Variants in REL observed in about 807,000 individuals in gnomAD.
REL encodes proto-oncogene c-Rel.
A neutral mutation model predicts 45.9 loss-of-function variants in REL; 15 were observed. That is an observed-to-expected ratio of 0.33 (90% CI 0.22 to 0.50). The LOEUF is 0.50. Ranked by LOEUF, REL falls within the 20% of genes least tolerant of loss-of-function variation. REL has a pLI of 0.98. For missense variants in REL, 601 were observed against 715.2 expected (o/e 0.84, Z 1.82); for synonymous variants, 239 against 242.1 (o/e 0.99, Z 0.12).
chr2:60,901,263 C>T (rs1335650034), intron 4 of REL, among the ~76,000 whole-genome samples, 180 bp downstream of exon 4: 9 of 145,240 alleles, frequency 6.2e-5, no homozygotes, highest in African/African-American at 2.3e-4. Context: ...TCAAGCAATT[C>T]TCCTGCCTCA....
intron 2 of REL, among the ~76,000 whole-genome samples, chr2:60,893,038 C>G (rs1474988372): frequency 6.6e-6 from 1 of 152,210 alleles, no homozygotes; most frequent in Admixed American, 6.5e-5. Flanking sequence ...TAGGTGTGAG[C>G]CAACATGCCC....
chr2:60,903,540 AT>A (rs1267092161), intron 4 of REL, among the ~76,000 whole-genome samples: 9 of 146,112 alleles, frequency 6.2e-5, no homozygotes, highest in Admixed American at 1.4e-4. Context: ...TGCCCAGCTA[AT>A]TTTTTTTTTT....
Position 60,918,601 on chromosome 2 carries a change from A to C in REL, c.848A>C (p.Glu283Ala). Residue 283 changes from glutamate (E) to alanine (A), a missense_variant, in exon 7 of 10, where the codon GAA becomes GCA. By Grantham distance (107) the Glu-to-Ala change is moderately radical. Coordinates refer to ENST00000394479, the MANE Select transcript of REL (RefSeq NM_001291746.2). ...ATGGATTTTAGATATCTGCCAGATGAAAAAGGTATGACATTTTGCTGGTAA... is the reference window on the plus strand; with the variant it reads ...ATGGATTTTAGATATCTGCCAGATGCAAAAGGTATGACATTTTGCTGGTAA... ...ESMDFRYLPD[E>A]KDTYGNKAKK... 3 of 1,607,332 alleles carry C rather than the reference A, an allele frequency of 1.9e-6. No homozygotes were observed. The highest frequency in any genetic ancestry group is 2.6e-6 in the Non-Finnish European group (3 of 1,173,776).
chr2:60,903,844 T>A (rs1673563740), intron 4 of REL, among the ~76,000 whole-genome samples: 1 of 152,048 alleles, frequency 6.6e-6, no homozygotes, highest in Admixed American at 6.5e-5. Context: ...GTTTCTGTAT[T>A]TTTTGTAGAG....
chr2:60,929,663 C>T lies in REL; in HGVS notation c.*7128C>T, dbSNP rs1674344783. 2 of 109,244 alleles carry T rather than the reference C, an allele frequency of 1.8e-5. No homozygotes were observed. Among genetic ancestry groups the T allele is most frequent in the Admixed American group, 2.6e-4 (2 of 7,736 alleles). 6.8% of individuals were successfully genotyped at this position (109,244 alleles called of 1,614,324 possible). A position where few individuals can be genotyped will look rare whatever the true frequency, so the allele number is the denominator to read the frequency against. ...AGGAAGGGGAATATCACACTGGGGA[C>T]TGTTGTGGGGTGGGGGGAGGGGGGA... On this transcript the variant is annotated 3_prime_UTR_variant, in exon 10 of 10. Coordinates refer to ENST00000394479, the MANE Select transcript of REL (RefSeq NM_001291746.2).
chr2:60,915,974 T>C (rs1462023023), intron 4 of REL, among the ~76,000 whole-genome samples: 1 of 152,256 alleles, frequency 6.6e-6, no homozygotes, highest in Non-Finnish European at 1.5e-5. Context: ...GTAGATACTC[T>C]TGTGTATGTC....
rs1674326357 is a variant in REL at position 60,928,834 on chromosome 2, T to C, written c.*6299T>C. The C allele has an allele frequency of 6.7e-6, 1 of 149,432 alleles. No individual in the cohort carries two copies. Among genetic ancestry groups the C allele is most frequent in the African/African-American group, 2.5e-5 (1 of 40,804 alleles). The allele number at this position is 149,432 out of a possible 1,614,324, so 9.3% of individuals were successfully genotyped here. ...CCAAAATTGACAAATGGGATCTAAT[T>C]AAACTAAAGAGCTGCTGCACAGCAA... On this transcript the variant is annotated 3_prime_UTR_variant, in exon 10 of 10. Transcript: ENST00000394479.
intron 2 of REL, 133 bp from the exon 3 acceptor site, chr2:60,894,264 G>T (rs1392825834): frequency 4.0e-6 from 2 of 500,088 alleles, no homozygotes; most frequent in African/African-American, 4.0e-5. Context: ...CTAAACTGCA[G>T]TTGTTCGTCA....
chr2:60,881,994 A>T (rs1365494778), intron 1 of REL, 144 bp downstream of exon 1: 18 of 553,590 alleles, frequency 3.3e-5, no homozygotes, highest in South Asian at 2.6e-4. Context: ...GTCAGCTTTT[A>T]AAAAAGTTAC....
rs1029965954 is a variant in REL, at chr2:60,923,986, C to G, written c.*1451C>G. ...TCCTACCTCAGGTACCACCATATCC[C>G]ACCTCCTCATGCAGCTCCAGGCACC... is the stretch of plus-strand genomic sequence containing the variant. On this transcript the variant is annotated 3_prime_UTR_variant, in exon 10 of 10. Transcript: ENST00000394479. The G allele has an allele frequency of 3.4e-5, 8 of 233,318 alleles. No homozygotes were observed. The East Asian group carries it at 3.6e-4, about 11-fold the overall frequency. 14.5% of individuals were successfully genotyped at this position (233,318 alleles called of 1,614,324 possible).
intron 7 of REL, 64 bp downstream of exon 7, chr2:60,918,670 T>A: frequency 9.2e-7 from 1 of 1,090,334 alleles, no homozygotes; most frequent in Admixed American, 1.7e-5. Flanking sequence ...TAACATCTTC[T>A]TGTAATATTC....
chr2:60,898,309 C>T (rs912546256), intron 3 of REL, among the ~76,000 whole-genome samples: 6 of 152,196 alleles, frequency 3.9e-5, no homozygotes, highest in African/African-American at 1.4e-4. Context: ...AGACAGCATT[C>T]CTTCTATATA....
chr2:60,884,684 G>A (rs1224851033), intron 1 of REL, among the ~76,000 whole-genome samples: 2 of 152,076 alleles, frequency 1.3e-5, no homozygotes, highest in African/African-American at 2.4e-5. Context: ...CTAATAATTA[G>A]TGCTGTCTTT....
chr2:60,927,204 CTAT>C lies in REL; in HGVS notation c.*4675_*4677del, dbSNP rs1674287901. 4.4e-6 allele frequency: 1 copy of C among 226,748 alleles called. No homozygotes were observed. The highest frequency in any genetic ancestry group is 2.2e-5 in the African/African-American group (1 of 44,918). The allele number at this position is 226,748 out of a possible 1,614,324, so 14.0% of individuals were successfully genotyped here. A position where few individuals can be genotyped will look rare whatever the true frequency, so the allele number is the denominator to read the frequency against. On this transcript the variant is annotated 3_prime_UTR_variant, in exon 10 of 10. Coordinates refer to ENST00000394479, the MANE Select transcript of REL (RefSeq NM_001291746.2). ...CTAGTTGGTGCTGAATAAATAGTAG[CTAT>C]TATTAGAAAAGGAAGGGTGAAATTG...
At chr2:60,913,474 G>T (rs1204186227) in intron 4 of REL, among the ~76,000 whole-genome samples, 1 of 152,086 alleles carries the variant, frequency 6.6e-6, no homozygotes, top group Non-Finnish European at 1.5e-5. Context: ...TTGAAGTTGG[G>T]CTTTCATCCC....
intron 3 of REL, among the ~76,000 whole-genome samples, chr2:60,896,291 G>A (rs1212996792): frequency 6.6e-6 from 1 of 152,150 alleles, no homozygotes; most frequent in African/African-American, 2.4e-5. Flanking sequence ...TTACAAGCGT[G>A]AGCCACGGCA....
At chr2:60,921,347 G>A (rs985429233) in intron 9 of REL, among the ~76,000 whole-genome samples, 9 of 152,086 alleles carry the variant, frequency 5.9e-5, no homozygotes, top group Non-Finnish European at 8.8e-5. Flanking sequence ...TATCCCTAAT[G>A]AGTGTTGTCT....
chr2:60,904,941 G>A (rs571663954), intron 4 of REL, among the ~76,000 whole-genome samples: 122 of 152,278 alleles, frequency 8.0e-4, no homozygotes, highest in Admixed American at 1.7e-3. Context: ...CTGATGAGTG[G>A]TAGAGCTAGG....
chr2:60,907,697 C>CTTTT (rs869140724), intron 4 of REL, among the ~76,000 whole-genome samples: 1 of 139,884 alleles, frequency 7.1e-6, no homozygotes, highest in Non-Finnish European at 1.6e-5. Context: ...TTGTACTTTT[C>CTTTT]TTTTTTTTTT....
Sources: allele counts gnomAD v4.1 joint callset (sites outside exome capture counted in the v4.1 genomes callset), GRCh38; gene constraint gnomAD v4.1.1; transcripts MANE v1.5; gene names NCBI Gene and HGNC (gene_info 2026-07-23, HGNC 2026-07-21).